The following HLF variants were observed in gnomAD, a reference collection of about 807,000 sequenced individuals.
The protein encoded by HLF is HLF transcription factor, PAR bZIP family member, also known as hepatic leukemia factor.
In HLF, 3 loss-of-function variants were observed where a neutral mutation model predicts 22.6. The ratio of observed to expected loss-of-function variants is 0.13; its 90% CI spans 0.06 to 0.34. The LOEUF is 0.34. HLF is among the 10% of genes least tolerant of loss of function. The probability of loss-of-function intolerance (pLI) is 1.00; values close to 1 mark genes in which losing one functional copy is unlikely to be tolerated. For missense variants in HLF, 299 were observed against 389.2 expected, an observed-to-expected ratio of 0.77 and a Z score of 1.95; for synonymous variants, 151 against 151.8, an observed-to-expected ratio of 0.99 and a Z score of 0.04.
At chr17:55,292,924 T>C (rs533390166) in intron 2 of HLF, among the ~76,000 whole-genome samples, 1 of 152,314 alleles carries the variant, frequency 6.6e-6, no homozygotes, top group East Asian at 1.9e-4. Flanking sequence ...CTTATTCAAA[T>C]TGGGAGCTAA....
chr17:55,301,798 G>A (rs1040229929), intron 2 of HLF, among the ~76,000 whole-genome samples: 5 of 152,188 alleles, frequency 3.3e-5, no homozygotes, highest in Non-Finnish European at 7.4e-5. Context: ...TTGGCAGATG[G>A]GATTGCAGGT....
chr17:55,279,572 TTA>T (rs575484480), intron 2 of HLF, among the ~76,000 whole-genome samples: 3 of 151,634 alleles, frequency 2.0e-5, no homozygotes, highest in Non-Finnish European at 4.4e-5. Context: ...CATCTCTACA[TTA>T]TATATATATA....
intron 2 of HLF, among the ~76,000 whole-genome samples, chr17:55,291,013 A>G (rs2081056827): frequency 6.6e-6 from 1 of 152,216 alleles, no homozygotes. Flanking sequence ...ACTCTCTTCA[A>G]TTCTGTGAAG....
rs1177347260 is a variant in HLF, at chr17:55,324,677, C to T, written c.*3798C>T. 8.6e-6 allele frequency: 2 copies of T among 232,756 alleles called. No individual in the cohort carries two copies. The highest frequency in any genetic ancestry group is 2.2e-5 in the African/African-American group (1 of 45,312). The allele number at this position is 232,756 out of a possible 1,614,324, so 14.4% of individuals were successfully genotyped here. A position where few individuals can be genotyped will look rare whatever the true frequency, so the allele number is the denominator to read the frequency against. On this transcript the variant is annotated 3_prime_UTR_variant, in exon 4 of 4. Coordinates refer to ENST00000226067, the MANE Select transcript of HLF (RefSeq NM_002126.5). ...GTACCCCCACTGGCAAGGCCAAGGT[C>T]TCCTCCACGTTTTTTCTGCAATTAA...
intron 1 of HLF, 65 bp from the exon 2 acceptor site, chr17:55,267,685 TA>T: frequency 1.7e-6 from 2 of 1,146,454 alleles, no homozygotes; most frequent in African/African-American, 3.1e-5. Flanking sequence ...GGAAAAGTGA[TA>T]AAAGAGCGGT....
intron 2 of HLF, among the ~76,000 whole-genome samples, chr17:55,276,096 C>A (rs2080902272): frequency 6.6e-6 from 1 of 152,138 alleles, no homozygotes; most frequent in African/African-American, 2.4e-5. Context: ...TAACAGAGTG[C>A]AACCCTGTAT....
At chr17:55,307,413 C>T (rs1254796962) in intron 2 of HLF, among the ~76,000 whole-genome samples, 1 of 151,892 alleles carries the variant, frequency 6.6e-6, no homozygotes, top group Non-Finnish European at 1.5e-5. Context: ...AAGTGATCTG[C>T]CTGCCTTGGC....
intron 2 of HLF, among the ~76,000 whole-genome samples, chr17:55,290,088 G>T (rs2081046467): frequency 1.3e-5 from 1 of 76,908 alleles, no homozygotes; most frequent in Non-Finnish European, 2.4e-5. Context: ...CTTCCTCAGT[G>T]CTGGAAAATG....
chr17:55,272,202 T>C (rs1361151405), intron 2 of HLF: 1 of 152,280 alleles, frequency 6.6e-6, no homozygotes, highest in African/African-American at 2.4e-5. Context: ...AGGTGGGATG[T>C]GGGGGTGCTC....
At chr17:55,315,142 A>C (rs1261802991) in intron 2 of HLF, 85 bp from the exon 3 acceptor site, 1 of 957,154 alleles carries the variant, frequency 1.0e-6, no homozygotes, top group African/African-American at 1.6e-5. Context: ...GAAGACTCTT[A>C]CCACTCATCT....
chr17:55,281,679 T>A (rs1306781627), intron 2 of HLF, among the ~76,000 whole-genome samples: 1 of 152,224 alleles, frequency 6.6e-6, no homozygotes, highest in African/African-American at 2.4e-5. Context: ...TGTAAGTAGT[T>A]GTAGCAAATC....
intron 2 of HLF, among the ~76,000 whole-genome samples, chr17:55,293,861 T>C (rs1176574231): frequency 6.6e-6 from 1 of 152,118 alleles, no homozygotes; most frequent in Non-Finnish European, 1.5e-5. Flanking sequence ...GTGACAGATA[T>C]GTACCAGGGA....
chr17:55,289,315 T>G (rs1448925603), intron 2 of HLF, among the ~76,000 whole-genome samples: 3 of 152,098 alleles, frequency 2.0e-5, no homozygotes. Flanking sequence ...GACTCAAGAG[T>G]TGGAGCAGAT....
intron 1 of HLF, chr17:55,265,856 T>C (rs2080782693): frequency 8.0e-7 from 1 of 1,244,816 alleles, no homozygotes; most frequent in South Asian, 2.5e-5. Flanking sequence ...GTCCCGCTCC[T>C]GCGGCGCGGG....
rs1458290307 is a variant in HLF at position 55,322,377 on chromosome 17, ATATAT to A, written c.*1504_*1508del. 15 of 191,538 alleles carry A rather than the reference ATATAT, an allele frequency of 7.8e-5. No individual in the cohort carries two copies. Among genetic ancestry groups the A allele is most frequent in the South Asian group, 1.9e-4 (1 of 5,154 alleles). 11.9% of individuals were successfully genotyped at this position (191,538 alleles called of 1,614,324 possible). A position where few individuals can be genotyped will look rare whatever the true frequency, so the allele number is the denominator to read the frequency against. On this transcript the variant is annotated 3_prime_UTR_variant, in exon 4 of 4. Transcript: ENST00000226067. ...ATACTGACAATGTATTTTGGAAGAC[ATATAT>A]TATATATAGAAAAGAGGAGAGGAAA...
At chr17:55,277,393 C>CTAAAGT in intron 2 of HLF, among the ~76,000 whole-genome samples, 1 of 152,098 alleles carries the variant, frequency 6.6e-6, no homozygotes, top group Non-Finnish European at 1.5e-5. Context: ...GCAGTAATAT[C>CTAAAGT]AAGCTAAAAA....
chr17:55,275,196 A>G (rs983753361), intron 2 of HLF, among the ~76,000 whole-genome samples: 1 of 152,166 alleles, frequency 6.6e-6, no homozygotes, highest in African/African-American at 2.4e-5. Context: ...CCCAGGCTCA[A>G]TAGATCCTCC....
At chr17:55,310,924 A>G (rs905288042) in intron 2 of HLF, among the ~76,000 whole-genome samples, 1 of 152,192 alleles carries the variant, frequency 6.6e-6, no homozygotes, top group African/African-American at 2.4e-5. Flanking sequence ...GTGAAAGGCT[A>G]AAATAAAGAA....
Position 55,274,759 on chromosome 17 carries a change from A to G in HLF, c.451+6673A>G, listed in dbSNP as rs192796335. Among the ~76,000 whole-genome samples, 195 of 152,376 alleles carry G rather than the reference A, an allele frequency of 1.3e-3. 1 individual carries two copies. The highest frequency in any genetic ancestry group is 2.3e-3 in the Non-Finnish European group (155 of 68,038). ...GCCTCATAGGACTGTTGAAGGTCAT[A>G]TGAGCCAATGCATGCAGAGTAATTG... On this transcript the variant is annotated intron_variant, in intron 2 of 3. Transcript: ENST00000226067.
Sources: allele counts gnomAD v4.1 joint callset (sites outside exome capture counted in the v4.1 genomes callset), GRCh38; gene constraint gnomAD v4.1.1; transcripts MANE v1.5; gene names NCBI Gene and HGNC (gene_info 2026-07-23, HGNC 2026-07-21).